The following DOK4 variants were observed in gnomAD, a reference collection of about 807,000 sequenced individuals.
DOK4 encodes docking protein 4, also known as downstream of tyrosine kinase 4.
DOK4 carries 26 observed loss-of-function variants against 40.1 expected under a neutral mutation model. The ratio of observed to expected loss-of-function variants is 0.65; its 90% CI spans 0.48 to 0.90. The LOEUF (loss-of-function observed/expected upper bound fraction) is 0.90. Among genes scored for constraint, DOK4 ranks in the 40% least tolerant of loss-of-function variants. The pLI, the probability that DOK4 is intolerant of heterozygous loss-of-function variation, is 0.00. For missense variants in DOK4, 392 were observed against 437.2 expected (o/e 0.90, Z 0.92); for synonymous variants, 179 against 177.0 (o/e 1.01, Z -0.09).
Position 57,473,990 on chromosome 16 carries a change from C to G in DOK4, c.649G>C (p.Glu217Gln), listed in dbSNP as rs986861835. The stretch of plus-strand genomic sequence containing the variant: ...CTGTGGACGCGCTGGTAAATCTGCT[C>G]CCCCTCTTGTGTCTGGAAGGTATAG... The change falls in exon 7 of 9, where the codon GAG becomes CAG. Residue 217 changes from glutamate (E) to glutamine (Q), a missense_variant. Coordinates refer to ENST00000340099, the Ensembl canonical transcript of DOK4. 1.2e-6 allele frequency: 2 copies of G among 1,614,144 alleles called. No individual in the cohort carries two copies. The highest frequency in any genetic ancestry group is 1.7e-6 in the Non-Finnish European group (2 of 1,180,034).
At chr16:57,474,015 G>C (rs1189404956) in exon 7 of DOK4, 1 of 1,614,108 alleles carries the variant, frequency 6.2e-7, no homozygotes, top group Non-Finnish European at 8.5e-7. Flanking sequence ...GGAAGGTATA[G>C]AGTCCTTCCC....
At chr16:57,474,946 A>T (rs778683367) in exon 6 of DOK4, 1 of 1,613,124 alleles carries the variant, frequency 6.2e-7, no homozygotes, top group Non-Finnish European at 8.5e-7. Flanking sequence ...ATACACGTCC[A>T]GGTTGGGGCA....
rs1567586398 is a variant in DOK4, at chr16:57,473,298, TGAG to T, written c.*76_*78del. The T allele has an allele frequency of 2.6e-6, 4 of 1,519,918 alleles. No individual in the cohort carries two copies. The African/African-American group carries it at 4.1e-5, about 16-fold the overall frequency. 94.2% of individuals were successfully genotyped at this position (1,519,918 alleles called of 1,614,324 possible). ...TCCAGGCTCTTGGCCGACAGCCCCC[TGAG>T]GCTGTCCACGGTACACTGCAGCCAG... On this transcript the variant is annotated 3_prime_UTR_variant, in exon 9 of 9. Coordinates refer to ENST00000340099, the Ensembl canonical transcript of DOK4.
chr16:57,479,245 G>A lies in DOK4; in HGVS notation c.66+197C>T, dbSNP rs1017884128. 6.6e-6 allele frequency among the ~76,000 whole-genome samples: 1 copy of A among 152,242 alleles called. No homozygotes were observed. Among genetic ancestry groups the A allele is most frequent in the Non-Finnish European group, 1.5e-5 (1 of 68,046 alleles). On this transcript the variant is annotated intron_variant, in intron 2 of 8. Coordinates refer to ENST00000340099, the Ensembl canonical transcript of DOK4. This position sits in a 1 kb window ranked among gnomAD's most constrained non-coding sequence, Gnocchi z 5.8. ...GGGATGCCAGCCAGCCCTCTGGGGC[G>A]GGGGCTGCAGCAGGCAGAACCCAGC... is the stretch of plus-strand genomic sequence containing the variant.
chr16:57,472,433 G>C (rs1467039751), exon 9 of DOK4: 1 of 152,704 alleles, frequency 6.5e-6, no homozygotes, highest in Non-Finnish European at 1.5e-5. Context: ...AGCACCATGT[G>C]GGGAGGAGGA....
exon 1 of DOK4, chr16:57,486,332 G>C (rs2031539559): frequency 6.6e-6 from 1 of 151,942 alleles, no homozygotes; most frequent in South Asian, 1.8e-4. Flanking sequence ...GGCCAGGAGC[G>C]CCTGCTCAGC....
intron 7 of DOK4, 37 bp downstream of exon 7, chr16:57,473,864 C>CT (rs2031005045): frequency 6.5e-7 from 1 of 1,541,486 alleles, no homozygotes; most frequent in Non-Finnish European, 8.8e-7. Context: ...CCGTTCCCCC[C>CT]TCCCCCCGTA....
At chr16:57,475,151 T>A (rs757065868) in exon 5 of DOK4, 1 of 1,613,776 alleles carries the variant, frequency 6.2e-7, no homozygotes, top group South Asian at 1.1e-5. Context: ...TCTCCCAGAC[T>A]GATGTCGTTG....
chr16:57,475,777 CCT>C, intron 3 of DOK4, 71 bp downstream of exon 3: 1 of 1,315,660 alleles, frequency 7.6e-7, no homozygotes, highest in Non-Finnish European at 1.1e-6. Context: ...CCCTCTCTCC[CCT>C]CTCTCCCTCT....
Position 57,475,664 on chromosome 16 carries a change from C to CTCTCTCTT in DOK4, c.175-45_175-44insAAGAGAGA, listed in dbSNP as rs774883360. On this transcript the variant is annotated intron_variant, in intron 3 of 8. Coordinates refer to ENST00000340099, the Ensembl canonical transcript of DOK4. The stretch of plus-strand genomic sequence containing the variant: ...GGGACTTAGCCAGGCCAGTGCATCT[C>CTCTCTCTT]TCTCTCTCTCTCTCTCTCTCTCTCT... 35 of 501,462 alleles carry CTCTCTCTT rather than the reference C, an allele frequency of 7.0e-5. No individual in the cohort carries two copies. The East Asian group carries it at 1.2e-3, about 17-fold the overall frequency. The allele number at this position is 501,462 out of a possible 1,614,324, so 31.1% of individuals were successfully genotyped here. A position where few individuals can be genotyped will look rare whatever the true frequency, so the allele number is the denominator to read the frequency against.
At chr16:57,477,158 C>T (rs189286174) in intron 2 of DOK4, among the ~76,000 whole-genome samples, 36 of 152,322 alleles carry the variant, frequency 2.4e-4, no homozygotes, top group African/African-American at 8.2e-4. Context: ...CTCGGCCCTA[C>T]TGTGCCATGC....
exon 7 of DOK4, chr16:57,474,010 G>T (rs772613625): frequency 4.3e-6 from 7 of 1,614,126 alleles, no homozygotes; most frequent in Non-Finnish European, 5.9e-6. Context: ...TGTCTGGAAG[G>T]TATAGAGTCC....
At chr16:57,474,744 C>T (rs746632415) in intron 6 of DOK4, 49 bp downstream of exon 6, 1 of 1,595,300 alleles carries the variant, frequency 6.3e-7, no homozygotes, top group African/African-American at 1.3e-5. Context: ...TGAATGGCAG[C>T]CACCATCACA....
Position 57,479,525 on chromosome 16 carries a change from G to T in DOK4, c.-18C>A. On this transcript the variant is annotated 5_prime_UTR_variant, in exon 2 of 9. Coordinates refer to ENST00000340099, the Ensembl canonical transcript of DOK4. This position sits in a 1 kb window ranked among gnomAD's most constrained non-coding sequence, Gnocchi z 5.8. The stretch of plus-strand genomic sequence containing the variant: ...GTCGCCATGGTTTTCCCACCTTTTA[G>T]GGGCGCGGGGCCTGGCAGAGGCGAG... 1 of 1,612,826 alleles carries T rather than the reference G, an allele frequency of 6.2e-7. No individual in the cohort carries two copies. The highest frequency in any genetic ancestry group is 8.5e-7 in the Non-Finnish European group (1 of 1,179,734).
chr16:57,479,547 C>T lies in DOK4; in HGVS notation c.-40G>A, dbSNP rs768437265. 6.8e-6 allele frequency: 11 copies of T among 1,609,374 alleles called. No homozygotes were observed. Among genetic ancestry groups the T allele is most frequent in the East Asian group, 4.5e-5 (2 of 44,798 alleles). On this transcript the variant is annotated 5_prime_UTR_variant, in exon 2 of 9. Transcript: ENST00000340099. This position sits in a 1 kb window ranked among gnomAD's most constrained non-coding sequence, Gnocchi z 5.8. ...TTAGGGGCGCGGGGCCTGGCAGAGG[C>T]GAGGGGAAGGATGCCCAGGTGCCTG... is the stretch of plus-strand genomic sequence containing the variant.
rs1421241379 is a variant in DOK4, at chr16:57,479,240, G to A, written c.66+202C>T. Among the ~76,000 whole-genome samples the A allele has an allele frequency of 1.3e-5, 2 of 152,230 alleles. No homozygotes were observed. Among genetic ancestry groups the A allele is most frequent in the African/African-American group, 4.8e-5 (2 of 41,450 alleles). On this transcript the variant is annotated intron_variant, in intron 2 of 8. Coordinates refer to ENST00000340099, the Ensembl canonical transcript of DOK4. The surrounding 1 kb of genome is among the most constrained non-coding windows in gnomAD (Gnocchi z 5.8). ...CTGTTGGGATGCCAGCCAGCCCTCT[G>A]GGGCGGGGGCTGCAGCAGGCAGAAC...
At chr16:57,475,702 C>T in intron 3 of DOK4, 82 bp from the exon 4 acceptor site, 1 of 835,360 alleles carries the variant, frequency 1.2e-6, no homozygotes, top group South Asian at 1.5e-5. Context: ...CTCTCCCTCC[C>T]TCCCTCTCTC....
At chr16:57,474,563 T>C in intron 6 of DOK4, 1 of 596,586 alleles carries the variant, frequency 1.7e-6, no homozygotes, top group South Asian at 2.0e-5. Flanking sequence ...TAAGCCAAAG[T>C]AGTATATGAT....
chr16:57,477,094 T>C (rs1437597671), intron 2 of DOK4, among the ~76,000 whole-genome samples: 1 of 152,166 alleles, frequency 6.6e-6, no homozygotes, highest in African/African-American at 2.4e-5. Flanking sequence ...GGAGACTGAG[T>C]GGTGGCCGAG....
Sources: allele counts gnomAD v4.1 joint callset (sites outside exome capture counted in the v4.1 genomes callset), GRCh38; gene constraint gnomAD v4.1.1; non-coding constraint Gnocchi (gnomAD v3.1); transcripts MANE v1.5; gene names NCBI Gene and HGNC (gene_info 2026-07-23, HGNC 2026-07-21).